ZFHX3: variants seen among roughly 807,000 people sequenced by gnomAD.
ZFHX3 encodes zinc finger homeobox protein 3.
ZFHX3 carries 42 observed loss-of-function variants against 279.1 expected under a neutral mutation model. The observed-to-expected ratio is 0.15, with a 90% CI of 0.12 to 0.19. ZFHX3 has a LOEUF of 0.19. ZFHX3 is among the 10% of genes least tolerant of loss of function. The pLI is 1.00. For synonymous variants in ZFHX3, 2,293 were observed against 1,957.8 expected, an observed-to-expected ratio of 1.17 and a Z score of -4.52; for missense variants, 4,981 against 4,754.0, an observed-to-expected ratio of 1.05 and a Z score of -1.40.
intron 3 of ZFHX3, among the ~76,000 whole-genome samples, chr16:73,380,969 C>T (rs1181973355): frequency 2.0e-5 from 3 of 152,186 alleles, no homozygotes; most frequent in Non-Finnish European, 4.4e-5. Flanking sequence ...GATACAGTAG[C>T]TGCTTCTCGC....
At chr16:73,170,223 G>GTTTTTTTTTGTTT (rs1967487724) in intron 5 of ZFHX3, among the ~76,000 whole-genome samples, 2 of 57,718 alleles carry the variant, frequency 3.5e-5, no homozygotes, top group African/African-American at 1.5e-4. Flanking sequence ...CCTTTCACTA[G>GTTTTTTTTTGTTT]TTTTTTTTTT....
At chr16:73,890,029 A>G (rs2030477358) in intron 1 of ZFHX3, among the ~76,000 whole-genome samples, 1 of 152,194 alleles carries the variant, frequency 6.6e-6, no homozygotes, top group Non-Finnish European at 1.5e-5. Context: ...TATTGCACAC[A>G]TAACAATTAG....
rs1355827485 is a variant in ZFHX3 at position 73,122,372 on chromosome 16, AT to A, written c.-897+8595del. ...AGGTGCATGCCAGGCTAATTTTTGT[AT>A]TTTTTTTTTTTTTAGTAGAGACAGG... is the stretch of plus-strand genomic sequence containing the variant. On this transcript the variant is annotated intron_variant, in intron 7 of 17. Transcript: ENST00000641206. 6.5e-3 allele frequency among the ~76,000 whole-genome samples: 902 copies of A among 138,476 alleles called. 4 individuals are homozygous for A. The highest frequency in any genetic ancestry group is 0.011 in the Admixed American group (146 of 13,758). 90.8% of individuals were successfully genotyped at this position (138,476 alleles called of 152,430 possible). A position where few individuals can be genotyped will look rare whatever the true frequency, so the allele number is the denominator to read the frequency against.
chr16:73,336,165 T>C (rs547652247), intron 3 of ZFHX3, among the ~76,000 whole-genome samples: 65 of 152,324 alleles, frequency 4.3e-4, no homozygotes, highest in African/African-American at 1.5e-3. Flanking sequence ...GAACTAACCC[T>C]ATTATTAACC....
intron 2 of ZFHX3, among the ~76,000 whole-genome samples, chr16:73,590,338 G>A (rs929838377): frequency 6.6e-6 from 1 of 152,198 alleles, no homozygotes; most frequent in Admixed American, 6.5e-5. Context: ...GGGCTCATTG[G>A]AAAAATAATT....
chr16:73,230,975 C>G (rs973795421), intron 5 of ZFHX3, among the ~76,000 whole-genome samples: 2 of 152,106 alleles, frequency 1.3e-5, no homozygotes, highest in Non-Finnish European at 2.9e-5. Flanking sequence ...GCCCTTCTGT[C>G]GCCAGGCCAG....
intron 1 of ZFHX3, among the ~76,000 whole-genome samples, chr16:73,857,435 C>A (rs1433925391): frequency 6.6e-6 from 1 of 152,218 alleles, no homozygotes; most frequent in East Asian, 1.9e-4. Flanking sequence ...CATCCCCTCT[C>A]TTTAGCATAA....
intron 4 of ZFHX3, among the ~76,000 whole-genome samples, chr16:73,316,523 T>C (rs551360730): frequency 2.0e-5 from 3 of 152,302 alleles, no homozygotes; most frequent in South Asian, 2.1e-4. Flanking sequence ...TTCAACCTAA[T>C]ACCTAGTAGA....
chr16:72,992,641 CTTAA>C (rs1030751675), intron 1 of ZFHX3, among the ~76,000 whole-genome samples: 1 of 152,184 alleles, frequency 6.6e-6, no homozygotes. Context: ...TTCTCTAGGT[CTTAA>C]TTAAAGTGGC....
rs192823989 is a variant in ZFHX3 at position 73,121,760 on chromosome 16, C to T, written c.-897+9208G>A. The stretch of plus-strand genomic sequence containing the variant: ...CCTCCCAAGTAGCTGGGACTACAGG[C>T]GCCTGCCACCACACCCGGCTAATTT... On this transcript the variant is annotated intron_variant, in intron 7 of 17. Transcript: ENST00000641206. 1.5e-3 allele frequency among the ~76,000 whole-genome samples: 232 copies of T among 151,898 alleles called. 2 individuals carry two copies. The East Asian group carries it at 0.016, about 10-fold the overall frequency.
chr16:72,863,643 A>C (rs1045402516), intron 4 of ZFHX3, among the ~76,000 whole-genome samples: 1 of 152,150 alleles, frequency 6.6e-6, no homozygotes, highest in African/African-American at 2.4e-5. Flanking sequence ...TGTATAGATG[A>C]AACAGGACTG....
chr16:73,549,829 T>C (rs1180405961), intron 2 of ZFHX3, among the ~76,000 whole-genome samples: 1 of 152,040 alleles, frequency 6.6e-6, no homozygotes, highest in Non-Finnish European at 1.5e-5. Flanking sequence ...TCTTTCTTTT[T>C]CTGGATCGGA....
In ZFHX3 at chr16:73,846,973, A is replaced by AT. The variant is rs1961465603; in HGVS notation, c.-1608+44677dup. 2.0e-5 allele frequency among the ~76,000 whole-genome samples: 3 copies of AT among 151,998 alleles called. No homozygotes were observed. The South Asian group carries it at 6.2e-4, about 32-fold the overall frequency. Reference sequence around the variant, plus strand: ...TGTTTATATATTGTAGGTCACAGTGATTCCCCTTAGTGCTCAAAGATTGCA... The same window carrying AT: ...TGTTTATATATTGTAGGTCACAGTGATTTCCCCTTAGTGCTCAAAGATTGCA... On this transcript the variant is annotated intron_variant, in intron 1 of 17. Coordinates refer to the ZFHX3 transcript ENST00000641206.
chr16:73,873,963 A>C (rs770354241), intron 1 of ZFHX3, among the ~76,000 whole-genome samples: 41 of 152,128 alleles, frequency 2.7e-4, no homozygotes, highest in Non-Finnish European at 2.8e-4. Context: ...CAGGAGAGGA[A>C]AAAAAAGTAA....
At chr16:73,028,066 G>A (rs1209102783) in intron 1 of ZFHX3, among the ~76,000 whole-genome samples, 1 of 152,134 alleles carries the variant, frequency 6.6e-6, no homozygotes, top group Non-Finnish European at 1.5e-5. Context: ...CACCGAGACA[G>A]TGGGTCGGGT....
chr16:73,337,555 A>C (rs1341823752), intron 3 of ZFHX3, among the ~76,000 whole-genome samples: 1 of 152,046 alleles, frequency 6.6e-6, no homozygotes, highest in African/African-American at 2.4e-5. Context: ...ATCACCTTGC[A>C]TAGCACATCT....
chr16:73,062,517 A>G (rs1351467304), upstream of ZFHX3, among the ~76,000 whole-genome samples: 1 of 152,314 alleles, frequency 6.6e-6, no homozygotes, highest in African/African-American at 2.4e-5. Flanking sequence ...TGAATGGTGA[A>G]TTTGAGTAAG....
intron 3 of ZFHX3, among the ~76,000 whole-genome samples, chr16:73,334,977 A>C (rs2015885259): frequency 6.6e-6 from 1 of 151,924 alleles, no homozygotes; most frequent in Non-Finnish European, 1.5e-5. Flanking sequence ...TGAATTCAGC[A>C]GCTCTATTCA....
intron 5 of ZFHX3, among the ~76,000 whole-genome samples, chr16:73,144,772 A>G (rs1966856489): frequency 6.6e-6 from 1 of 152,186 alleles, no homozygotes; most frequent in African/African-American, 2.4e-5. Flanking sequence ...TCCCCTAACA[A>G]CTTGGCTATA....
Sources: gnomAD v4.1 joint callset for allele counts (sites outside exome capture counted in the v4.1 genomes callset) on GRCh38, gnomAD v4.1.1 for gene constraint, MANE v1.5 for transcripts, NCBI Gene and HGNC (gene_info 2026-07-23, HGNC 2026-07-21) for gene names.